The following PARD3B variants were observed in gnomAD, a reference collection of about 807,000 sequenced individuals.
PARD3B encodes the protein partitioning defective 3 homolog B.
In PARD3B, 103 loss-of-function variants were observed where a neutral mutation model predicts 130.2. The ratio of observed to expected loss-of-function variants is 0.79; its 90% CI spans 0.67 to 0.93. The LOEUF (loss-of-function observed/expected upper bound fraction) is 0.93. PARD3B is among the 40% of genes least tolerant of loss of function. The pLI is 0.00. For synonymous variants in PARD3B, 583 were observed against 553.2 expected (o/e 1.05, Z -0.76); for missense variants, 1,609 against 1,499.2 (o/e 1.07, Z -1.21).
intron 2 of PARD3B, among the ~76,000 whole-genome samples, chr2:204,910,355 G>A (rs1044129081): frequency 6.6e-6 from 1 of 152,244 alleles, no homozygotes. Flanking sequence ...TTTTGTAGGG[G>A]AGGAGAATTA....
chr2:204,776,043 A>G (rs139572924), intron 2 of PARD3B, among the ~76,000 whole-genome samples: 2 of 152,224 alleles, frequency 1.3e-5, no homozygotes, highest in Admixed American at 6.5e-5. Context: ...TCTGGAATTT[A>G]TGTGGCTTTG....
At chr2:205,581,600 A>G (rs1440592031) in intron 22 of PARD3B, among the ~76,000 whole-genome samples, 1 of 151,048 alleles carries the variant, frequency 6.6e-6, no homozygotes, top group Non-Finnish European at 1.5e-5. Flanking sequence ...TAACTAAAAC[A>G]GTGGAATCGG....
At chr2:205,547,573 G>T (rs979262552) in intron 21 of PARD3B, among the ~76,000 whole-genome samples, 1 of 152,136 alleles carries the variant, frequency 6.6e-6, no homozygotes, top group African/African-American at 2.4e-5. Context: ...CTATTTCTAT[G>T]TAGGAAGTTT....
intron 2 of PARD3B, among the ~76,000 whole-genome samples, chr2:204,931,626 A>T (rs1017242407): frequency 6.6e-6 from 1 of 151,742 alleles, no homozygotes; most frequent in Non-Finnish European, 1.5e-5. Context: ...AAGGAAAAAA[A>T]TAGTATTGGC....
chr2:204,636,341 G>C (rs2034873939), intron 1 of PARD3B, among the ~76,000 whole-genome samples: 1 of 151,952 alleles, frequency 6.6e-6, no homozygotes, highest in Admixed American at 6.6e-5. Context: ...AAAAGTCCAG[G>C]TCAGGTTATC....
chr2:204,710,490 T>G (rs2125297842), intron 2 of PARD3B, among the ~76,000 whole-genome samples: 1 of 152,340 alleles, frequency 6.6e-6, no homozygotes, highest in South Asian at 2.1e-4. Flanking sequence ...TTGCAGTCAT[T>G]TGAAGAAATG....
chr2:205,545,206 G>A (rs2052332221), intron 21 of PARD3B, among the ~76,000 whole-genome samples: 1 of 152,156 alleles, frequency 6.6e-6, no homozygotes, highest in Non-Finnish European at 1.5e-5. Context: ...CTATTTTGAT[G>A]AGTTTCATTT....
chr2:205,434,410 C>A (rs922529852), intron 19 of PARD3B, among the ~76,000 whole-genome samples: 3 of 152,040 alleles, frequency 2.0e-5, no homozygotes, highest in Non-Finnish European at 2.9e-5. Flanking sequence ...CAAATATTAG[C>A]AGGAAGAACA....
intron 21 of PARD3B, among the ~76,000 whole-genome samples, chr2:205,505,380 T>G (rs1289730879): frequency 7.5e-6 from 1 of 134,172 alleles, no homozygotes; most frequent in Non-Finnish European, 1.6e-5. Flanking sequence ...CCCTAAAACT[T>G]AAATAATAAA....
At chr2:204,608,333 A>T (rs1282892210) in intron 1 of PARD3B, among the ~76,000 whole-genome samples, 1 of 152,200 alleles carries the variant, frequency 6.6e-6, no homozygotes, top group Non-Finnish European at 1.5e-5. Flanking sequence ...TATATCCTCC[A>T]AAACTTTCAC....
intron 2 of PARD3B, among the ~76,000 whole-genome samples, chr2:204,804,552 T>G (rs2042695553): frequency 6.6e-6 from 1 of 152,168 alleles, no homozygotes; most frequent in African/African-American, 2.4e-5. Flanking sequence ...AGCTGGAGAC[T>G]TCACTCTGCT....
intron 1 of PARD3B, among the ~76,000 whole-genome samples, chr2:204,565,622 A>T (rs1469157768): frequency 6.6e-6 from 1 of 152,234 alleles, no homozygotes; most frequent in African/African-American, 2.4e-5. Flanking sequence ...CAGGTGTTAA[A>T]AATTTTTAAT....
At chr2:205,275,144 A>ATGTGG (rs1400678902) in intron 16 of PARD3B, among the ~76,000 whole-genome samples, 1 of 151,850 alleles carries the variant, frequency 6.6e-6, no homozygotes, top group East Asian at 1.9e-4. Flanking sequence ...CACAAATCAA[A>ATGTGG]CCCAAGGCCA....
intron 2 of PARD3B, among the ~76,000 whole-genome samples, chr2:204,919,621 A>G (rs1479362365): frequency 2.0e-5 from 3 of 152,214 alleles, no homozygotes; most frequent in Non-Finnish European, 4.4e-5. Context: ...GGAATATTCC[A>G]AAAGTTATTT....
At chr2:205,077,196 C>T (rs140429941) in intron 4 of PARD3B, among the ~76,000 whole-genome samples, 2 of 152,156 alleles carry the variant, frequency 1.3e-5, no homozygotes, top group Non-Finnish European at 2.9e-5. Flanking sequence ...ATTGTCATTT[C>T]TAAGAAATGT....
intron 11 of PARD3B, among the ~76,000 whole-genome samples, chr2:205,162,275 T>G (rs2034549863): frequency 6.6e-6 from 1 of 152,196 alleles, no homozygotes; most frequent in African/African-American, 2.4e-5. Flanking sequence ...GTCTGTACAT[T>G]AAGAAATAAA....
chr2:205,149,963 T>C (rs996088521), intron 10 of PARD3B, among the ~76,000 whole-genome samples: 4 of 152,012 alleles, frequency 2.6e-5, no homozygotes, highest in African/African-American at 9.7e-5. Flanking sequence ...AACAAAAAAT[T>C]ATCAGGCTTC....
intron 10 of PARD3B, among the ~76,000 whole-genome samples, chr2:205,126,752 C>CAAAAAAA (rs4045004): frequency 3.4e-4 from 25 of 74,456 alleles, no homozygotes; most frequent in African/African-American, 8.4e-4. Flanking sequence ...GACTCCGTCT[C>CAAAAAAA]AAAAAAAAAA....
intron 3 of PARD3B, among the ~76,000 whole-genome samples, chr2:205,016,865 A>G (rs767378870): frequency 4.6e-5 from 7 of 152,146 alleles, no homozygotes; most frequent in Non-Finnish European, 1.0e-4. Context: ...AAATGTTAAA[A>G]CAGTCTAGAT....
Sources: gnomAD v4.1 joint callset for allele counts (sites outside exome capture counted in the v4.1 genomes callset) on GRCh38, gnomAD v4.1.1 for gene constraint, MANE v1.5 for transcripts, NCBI Gene and HGNC (gene_info 2026-07-23, HGNC 2026-07-21) for gene names.